Variants in SLC35F1 observed in about 807,000 individuals in gnomAD.
SLC35F1 encodes the protein chromosome 6 open reading frame 169.
SLC35F1 carries 14 observed loss-of-function variants against 48.7 expected under a neutral mutation model. The observed-to-expected ratio is 0.29, with a 90% CI of 0.19 to 0.45. The LOEUF (loss-of-function observed/expected upper bound fraction) is 0.45, where lower values mean the gene tolerates loss of function less well. Among genes scored for constraint, SLC35F1 ranks in the 20% least tolerant of loss-of-function variants. The pLI is 1.00. For synonymous variants in SLC35F1, 190 were observed against 202.2 expected, an observed-to-expected ratio of 0.94 and a Z score of 0.51; for missense variants, 404 against 500.0, an observed-to-expected ratio of 0.81 and a Z score of 1.83.
At chr6:118,092,313 G>T (rs181574730) in intron 1 of SLC35F1, among the ~76,000 whole-genome samples, 10 of 152,224 alleles carry the variant, frequency 6.6e-5, no homozygotes, top group Admixed American at 6.5e-4. Context: ...AGGCCATGTG[G>T]TGTTGAGCCT....
chr6:118,027,642 A>C (rs1219235333), intron 1 of SLC35F1, among the ~76,000 whole-genome samples: 1 of 152,066 alleles, frequency 6.6e-6, no homozygotes, highest in African/African-American at 2.4e-5. Flanking sequence ...TTTTAAAAAA[A>C]GTTTGGATGG....
intron 7 of SLC35F1, among the ~76,000 whole-genome samples, chr6:118,285,582 C>T (rs958615559): frequency 6.6e-6 from 1 of 152,178 alleles, no homozygotes; most frequent in Non-Finnish European, 1.5e-5. Context: ...AAGGAAAGAG[C>T]TTTTGAATAC....
chr6:118,136,299 A>T (rs1282903306), intron 1 of SLC35F1, among the ~76,000 whole-genome samples: 1 of 152,192 alleles, frequency 6.6e-6, no homozygotes, highest in Non-Finnish European at 1.5e-5. Flanking sequence ...ATGCTGTTTT[A>T]TGTCTAGACC....
intron 1 of SLC35F1, among the ~76,000 whole-genome samples, chr6:118,019,518 A>C (rs1229461395): frequency 2.0e-5 from 3 of 152,164 alleles, no homozygotes; most frequent in Non-Finnish European, 4.4e-5. Flanking sequence ...GCTACTGGGA[A>C]GGCTGAGGCA....
At chr6:117,934,170 C>T (rs1776136273) in intron 1 of SLC35F1, among the ~76,000 whole-genome samples, 2 of 152,190 alleles carry the variant, frequency 1.3e-5, no homozygotes, top group South Asian at 4.2e-4. Context: ...AACTTTTTAA[C>T]CGCTCCTTGT....
At chr6:117,929,357 G>C (rs996041402) in intron 1 of SLC35F1, among the ~76,000 whole-genome samples, 4 of 151,400 alleles carry the variant, frequency 2.6e-5, no homozygotes, top group African/African-American at 9.7e-5. Context: ...CTGGCATTTG[G>C]TAATAATTGT....
chr6:117,927,898 T>C (rs1157369889), intron 1 of SLC35F1, among the ~76,000 whole-genome samples: 1 of 152,120 alleles, frequency 6.6e-6, no homozygotes, highest in Non-Finnish European at 1.5e-5. Flanking sequence ...AGCTAATCAA[T>C]AGCTGATGAA....
At chr6:118,114,110 T>C (rs1238810982) in intron 1 of SLC35F1, among the ~76,000 whole-genome samples, 1 of 152,158 alleles carries the variant, frequency 6.6e-6, no homozygotes, top group Admixed American at 6.6e-5. Flanking sequence ...TTATCCCCAT[T>C]GTACTGATGG....
intron 1 of SLC35F1, among the ~76,000 whole-genome samples, chr6:118,025,841 C>G (rs957531963): frequency 2.0e-5 from 3 of 152,080 alleles, no homozygotes; most frequent in African/African-American, 7.2e-5. Context: ...CAGAATATAT[C>G]TTATATTTAA....
chr6:118,002,313 A>C (rs1304624418), intron 1 of SLC35F1, among the ~76,000 whole-genome samples: 1 of 152,212 alleles, frequency 6.6e-6, no homozygotes, highest in African/African-American at 2.4e-5. Flanking sequence ...GACATGGATG[A>C]AATTGGAAAT....
chr6:117,998,510 A>T (rs532020170), intron 1 of SLC35F1, among the ~76,000 whole-genome samples: 2 of 152,320 alleles, frequency 1.3e-5, no homozygotes, highest in East Asian at 3.9e-4. Context: ...TCCAAAATTG[A>T]CCACATACTT....
chr6:118,055,431 T>G (rs1185928110), intron 1 of SLC35F1, among the ~76,000 whole-genome samples: 2 of 152,210 alleles, frequency 1.3e-5, no homozygotes, highest in African/African-American at 2.4e-5. Flanking sequence ...AAAAGCCTCT[T>G]TCTTGGCCTC....
chr6:118,019,800 G>T (rs576424958), intron 1 of SLC35F1, among the ~76,000 whole-genome samples: 1 of 152,254 alleles, frequency 6.6e-6, no homozygotes, highest in Admixed American at 6.5e-5. Context: ...TAAAAATTTG[G>T]CATTGTTTTT....
chr6:118,186,161 C>A (rs1228574420), intron 2 of SLC35F1, among the ~76,000 whole-genome samples: 3 of 152,006 alleles, frequency 2.0e-5, no homozygotes, highest in Non-Finnish European at 4.4e-5. Context: ...ACACACACAC[C>A]CCAACATATA....
At chr6:117,928,153 GAA>G (rs1268782679) in intron 1 of SLC35F1, among the ~76,000 whole-genome samples, 1 of 151,712 alleles carries the variant, frequency 6.6e-6, no homozygotes, top group Non-Finnish European at 1.5e-5. Context: ...GTATAATCAA[GAA>G]AAAAAATGAA....
intron 3 of SLC35F1, among the ~76,000 whole-genome samples, chr6:118,254,841 A>T (rs1775621879): frequency 6.6e-6 from 1 of 152,202 alleles, no homozygotes; most frequent in Admixed American, 6.5e-5. Context: ...TTAGAAGTAC[A>T]AGTTAGAGTT....
At chr6:118,131,864 A>G (rs1021910164) in intron 1 of SLC35F1, among the ~76,000 whole-genome samples, 1 of 151,984 alleles carries the variant, frequency 6.6e-6, no homozygotes, top group Non-Finnish European at 1.5e-5. Flanking sequence ...CTACTGATGA[A>G]TCATTTTGTC....
At chr6:118,124,281 A>G (rs1773593101) in intron 1 of SLC35F1, among the ~76,000 whole-genome samples, 1 of 152,176 alleles carries the variant, frequency 6.6e-6, no homozygotes, top group South Asian at 2.1e-4. Context: ...AGGTCATGCA[A>G]ACTCTCAGAA....
At chr6:117,934,732 A>G (rs1278631596) in intron 1 of SLC35F1, among the ~76,000 whole-genome samples, 1 of 152,214 alleles carries the variant, frequency 6.6e-6, no homozygotes, top group Non-Finnish European at 1.5e-5. Context: ...ACAAATGTCA[A>G]GATATGAACA....
Sources: allele counts gnomAD v4.1 joint callset (sites outside exome capture counted in the v4.1 genomes callset), GRCh38; gene constraint gnomAD v4.1.1; transcripts MANE v1.5; gene names NCBI Gene and HGNC (gene_info 2026-07-23, HGNC 2026-07-21).